Variants in DHX35 observed in about 807,000 individuals in gnomAD.
DHX35 encodes DEAH-box helicase 35, also known as probable ATP-dependent RNA helicase DHX35.
In DHX35, 84 loss-of-function variants were observed where a neutral mutation model predicts 99.6. The ratio of observed to expected loss-of-function variants is 0.84; its 90% confidence interval spans 0.71 to 1.01. The LOEUF is 1.01. Ranked by LOEUF, DHX35 falls within the 50% of genes least tolerant of loss-of-function variation. DHX35 has a pLI of 0.00. For synonymous variants in DHX35, 331 were observed against 316.2 expected (o/e 1.05, Z -0.50); for missense variants, 852 against 888.5 (o/e 0.96, Z 0.52).
rs2086117480 is a variant in DHX35 at position 38,978,460 on chromosome 20, A to T, written c.268-5239A>T. 8 of 543,198 alleles carry T rather than the reference A, an allele frequency of 1.5e-5. No individual in the cohort carries two copies. In the East Asian group the frequency reaches 2.6e-4, roughly 18 times the overall value. 33.6% of individuals were successfully genotyped at this position (543,198 alleles called of 1,614,324 possible). ...CGTACTTAGGTGGGAGAGAAGGCGG[A>T]TGGAGATAAATGACCCCTGCTCCAG... On this transcript the variant is annotated intron_variant, in intron 3 of 21. Transcript: ENST00000252011.
chr20:39,022,614 C>G (rs1014566071), intron 16 of DHX35, among the ~76,000 whole-genome samples: 6 of 152,208 alleles, frequency 3.9e-5, no homozygotes, highest in Non-Finnish European at 8.8e-5. Flanking sequence ...GTCATTCAGA[C>G]TGCTCTGCTA....
chr20:39,007,900 G>A (rs2086643838), intron 12 of DHX35, among the ~76,000 whole-genome samples: 1 of 152,156 alleles, frequency 6.6e-6, no homozygotes. Context: ...TTATTTATTG[G>A]GGTGAAATTT....
intron 13 of DHX35, 22 bp downstream of exon 13, chr20:39,010,426 G>C: frequency 6.2e-7 from 1 of 1,612,698 alleles, no homozygotes; most frequent in Non-Finnish European, 8.5e-7. Context: ...CTGCTGTCTG[G>C]GGCCATAGGG....
At chr20:38,985,374 CAA>C (rs58084339) in intron 4 of DHX35, among the ~76,000 whole-genome samples, 18,280 of 73,490 alleles carry the variant, frequency 0.25, 1,209 homozygotes, top group East Asian at 0.39. Flanking sequence ...ACCCTATCTC[CAA>C]AAAAAAAAAA....
chr20:38,997,441 T>G (rs192226680), intron 8 of DHX35, among the ~76,000 whole-genome samples: 2 of 152,274 alleles, frequency 1.3e-5, no homozygotes, highest in Non-Finnish European at 2.9e-5. Context: ...AACACAGAGA[T>G]GAAAAAAATA....
At chr20:39,019,982 A>G (rs1243982524) in intron 15 of DHX35, among the ~76,000 whole-genome samples, 2 of 152,134 alleles carry the variant, frequency 1.3e-5, no homozygotes, top group African/African-American at 4.8e-5. Context: ...GTGAGATCAT[A>G]TGGTGTTTGT....
intron 9 of DHX35, among the ~76,000 whole-genome samples, chr20:39,002,571 C>G (rs533664981): frequency 7.9e-5 from 12 of 152,194 alleles, no homozygotes; most frequent in Non-Finnish European, 1.6e-4. Context: ...AGCTAAAAAT[C>G]ATAGTTGACA....
chr20:38,962,567 A>G (rs1449586934), intron 1 of DHX35, 160 bp downstream of exon 1: 1 of 826,564 alleles, frequency 1.2e-6, no homozygotes, highest in African/African-American at 1.7e-5. Context: ...CAGGCTCCCC[A>G]GTGGTCCCGA....
intron 20 of DHX35, among the ~76,000 whole-genome samples, chr20:39,032,308 ATTACAG>A (rs2087068761): frequency 6.6e-6 from 1 of 152,104 alleles, no homozygotes; most frequent in African/African-American, 2.4e-5. Flanking sequence ...AGTAGCTGGG[ATTACAG>A]GTGCATGCAA....
At chr20:39,032,648 G>A (rs1957036002) in intron 20 of DHX35, among the ~76,000 whole-genome samples, 1 of 152,180 alleles carries the variant, frequency 6.6e-6, no homozygotes, top group African/African-American at 2.4e-5. Flanking sequence ...CTTTCAAAAT[G>A]TGGTCTCCAG....
Position 38,992,440 on chromosome 20 carries a change from C to T in DHX35, c.582+15C>T. On this transcript the variant is annotated intron_variant, in intron 7 of 21. Transcript: ENST00000252011. ...TGCTAAAAAAGGTATGACTTCACTG[C>T]CAGCTTTTCATTGTGTGTGTTTATT... 1 of 1,612,996 alleles carries T rather than the reference C, an allele frequency of 6.2e-7. No individual in the cohort carries two copies. The highest frequency in any genetic ancestry group is 8.5e-7 in the Non-Finnish European group (1 of 1,179,030).
chr20:39,038,867 A>G lies in DHX35; in HGVS notation c.*324A>G, dbSNP rs1174467832. 1.3e-5 allele frequency: 5 copies of G among 383,742 alleles called. No homozygotes were observed. Among genetic ancestry groups the G allele is most frequent in the Non-Finnish European group, 2.4e-5 (5 of 209,284 alleles). 23.8% of individuals were successfully genotyped at this position (383,742 alleles called of 1,614,324 possible). Reference sequence around the variant, plus strand: ...GTCCTGGCCCAGCTCTATGGGAAACAAGGAGGAAAGTTAGCCACTGAAGGC... The same window carrying G: ...GTCCTGGCCCAGCTCTATGGGAAACGAGGAGGAAAGTTAGCCACTGAAGGC... On this transcript the variant is annotated 3_prime_UTR_variant, in exon 22 of 22. Transcript: ENST00000252011.
chr20:38,982,405 C>T (rs1323148399), intron 3 of DHX35, among the ~76,000 whole-genome samples: 1 of 152,158 alleles, frequency 6.6e-6, no homozygotes, highest in Non-Finnish European at 1.5e-5. Flanking sequence ...TTTTCTTCTC[C>T]ACCCCCTGCA....
At chr20:39,003,671 T>G in intron 10 of DHX35, 78 bp from the exon 11 acceptor site, 1 of 1,520,968 alleles carries the variant, frequency 6.6e-7, no homozygotes, top group Non-Finnish European at 8.9e-7. Context: ...ATCCCAACTT[T>G]TATTTTCTTT....
At chr20:38,994,745 TA>T in intron 7 of DHX35, 75 bp from the exon 8 acceptor site, 1 of 1,252,522 alleles carries the variant, frequency 8.0e-7, no homozygotes, top group Admixed American at 1.9e-5. Flanking sequence ...ATTTTTGAAA[TA>T]CATTTCAGAT....
intron 17 of DHX35, among the ~76,000 whole-genome samples, chr20:39,024,955 A>G (rs2086928882): frequency 6.6e-6 from 1 of 152,196 alleles, no homozygotes. Flanking sequence ...GATAGTTCAC[A>G]TCTCATGAAG....
rs772571098 is a variant in DHX35 at position 39,018,821 on chromosome 20, C to T, written c.1420C>T (p.Arg474Cys). The T allele has an allele frequency of 1.8e-5, 29 of 1,613,718 alleles. No homozygotes were observed. The highest frequency in any genetic ancestry group is 5.3e-5 in the African/African-American group (4 of 74,862). ...TATGGCAGGTCTGGACAAAGACTGTCGCCTAACTGAACCGCTTGGCATGAG... is the reference window on the plus strand; with the variant it reads ...TATGGCAGGTCTGGACAAAGACTGTTGCCTAACTGAACCGCTTGGCATGAG... Reference protein sequence around the residue: ...YALGGLDKDCRLTEPLGMRIA... With the variant: ...YALGGLDKDCCLTEPLGMRIA... Residue 474 changes from arginine (R) to cysteine (C), a missense_variant, in exon 15 of 22, where the codon CGC (arginine) becomes TGC (cysteine). Arg to Cys is a radical substitution (Grantham distance 180, BLOSUM62 -3). Transcript: ENST00000252011.
intron 5 of DHX35, among the ~76,000 whole-genome samples, chr20:38,990,871 C>T (rs1180031037): frequency 6.6e-6 from 1 of 152,180 alleles, no homozygotes; most frequent in East Asian, 1.9e-4. Context: ...TTGATTACCT[C>T]ATTTTACAAA....
chr20:38,984,620 C>T (rs574124496), intron 4 of DHX35, among the ~76,000 whole-genome samples: 33 of 152,284 alleles, frequency 2.2e-4, no homozygotes, highest in African/African-American at 6.5e-4. Flanking sequence ...TTTCAAATTA[C>T]GCCTTATAGT....
Sources: allele counts gnomAD v4.1 joint callset (sites outside exome capture counted in the v4.1 genomes callset), GRCh38; gene constraint gnomAD v4.1.1; transcripts MANE v1.5; gene names NCBI Gene and HGNC (gene_info 2026-07-23, HGNC 2026-07-21).